MPP4: variants seen among roughly 807,000 people sequenced by gnomAD.
MPP4 encodes MAGUK p55 scaffold protein 4.
MPP4 carries 91 observed loss-of-function variants against 98.3 expected under a neutral mutation model. That is an observed-to-expected ratio of 0.93 (90% confidence interval 0.78 to 1.10). The LOEUF (loss-of-function observed/expected upper bound fraction) is 1.10, where lower values mean the gene tolerates loss of function less well. Ranked by LOEUF, MPP4 falls within the 50% of genes least tolerant of loss-of-function variation. MPP4 has a pLI of 0.00. For missense variants in MPP4, 744 were observed against 792.9 expected, an observed-to-expected ratio of 0.94 and a Z score of 0.74; for synonymous variants, 261 against 271.8, an observed-to-expected ratio of 0.96 and a Z score of 0.39.
At chr2:201,661,571 T>G (rs1403328483) in intron 14 of MPP4, 9 of 456,444 alleles carry the variant, frequency 2.0e-5, no homozygotes, top group African/African-American at 8.0e-5. Flanking sequence ...AGTGCTGTTC[T>G]CAAAAGAACT....
chr2:201,673,508 A>T (rs774280678), intron 11 of MPP4: 1 of 202,546 alleles, frequency 4.9e-6, no homozygotes, highest in African/African-American at 2.4e-5. Context: ...ACCATGGCAC[A>T]TGTATACCTA....
At chr2:201,670,251 T>C (rs1688304318) in intron 11 of MPP4, among the ~76,000 whole-genome samples, 1 of 152,160 alleles carries the variant, frequency 6.6e-6, no homozygotes, top group Non-Finnish European at 1.5e-5. Context: ...CCCTATATCT[T>C]TGGACTCAGT....
intron 3 of MPP4, among the ~76,000 whole-genome samples, chr2:201,692,475 C>T (rs1331990973): frequency 3.4e-5 from 5 of 147,644 alleles, no homozygotes; most frequent in East Asian, 2.0e-4. Context: ...AGCTGGGAGG[C>T]GGAGGTTGCA....
At position 201,673,338 on chromosome 2, in the gene MPP4, A is replaced by C. The variant is rs2597903; in HGVS notation, c.994+1869T>G. 3.1e-3 allele frequency among the ~76,000 whole-genome samples: 474 copies of C among 152,222 alleles called. 1 individual carries two copies. The highest frequency in any genetic ancestry group is 0.011 in the African/African-American group (448 of 41,530). ...ACAGGAACAGAAAACCAAACACCGC[A>C]TTTTCTCACTCATAAATGGGAGTTG... On this transcript the variant is annotated intron_variant, in intron 11 of 21. Coordinates refer to ENST00000409474, the MANE Select transcript of MPP4 (RefSeq NM_033066.3).
chr2:201,658,659 C>T, intron 15 of MPP4, 141 bp from the exon 16 acceptor site: 1 of 648,890 alleles, frequency 1.5e-6, no homozygotes, highest in South Asian at 2.1e-5. Context: ...GAGTGGCTCA[C>T]CGAATGTTCT....
At chr2:201,680,718 G>A (rs1269236429) in intron 10 of MPP4, 120 bp downstream of exon 10, 2 of 817,552 alleles carry the variant, frequency 2.4e-6, no homozygotes, top group South Asian at 3.7e-5. Context: ...AAACCAGTGT[G>A]TGTGTGTTCA....
chr2:201,679,109 G>A (rs184301713), intron 10 of MPP4, among the ~76,000 whole-genome samples: 42 of 151,892 alleles, frequency 2.8e-4, no homozygotes, highest in African/African-American at 5.3e-4. Flanking sequence ...CCAATACACC[G>A]TTGACCTCAT....
intron 10 of MPP4, among the ~76,000 whole-genome samples, chr2:201,677,374 C>G (rs1005371360): frequency 6.6e-6 from 1 of 152,172 alleles, no homozygotes; most frequent in African/African-American, 2.4e-5. Context: ...ACATCTAACT[C>G]CCCCAATTTG....
At chr2:201,662,375 CCTGTAATCCCAGCTA>C (rs1384362365) in intron 14 of MPP4, among the ~76,000 whole-genome samples, 4 of 150,294 alleles carry the variant, frequency 2.7e-5, no homozygotes, top group Non-Finnish European at 5.9e-5. Flanking sequence ...GTGGTGCACA[CCTGTAATCCCAGCTA>C]CTCAGGAGGC....
intron 10 of MPP4, among the ~76,000 whole-genome samples, chr2:201,675,858 G>C (rs1040345786): frequency 1.1e-4 from 16 of 152,144 alleles, no homozygotes; most frequent in African/African-American, 3.9e-4. Context: ...AAGCAAAGTT[G>C]CTCTTCCTTC....
intron 1 of MPP4, 113 bp downstream of exon 1, chr2:201,698,474 T>C: frequency 1.4e-6 from 1 of 736,264 alleles, no homozygotes; most frequent in South Asian, 1.6e-5. Flanking sequence ...AACTAAGCCA[T>C]TTGAGTTAGA....
chr2:201,684,517 G>A (rs975537019), intron 7 of MPP4, among the ~76,000 whole-genome samples: 2 of 152,208 alleles, frequency 1.3e-5, no homozygotes, highest in Non-Finnish European at 2.9e-5. Flanking sequence ...TGTAAACTGA[G>A]AGACTTTAAT....
intron 21 of MPP4, among the ~76,000 whole-genome samples, chr2:201,645,828 G>T (rs1010540636): frequency 6.6e-6 from 1 of 151,852 alleles, no homozygotes; most frequent in Non-Finnish European, 1.5e-5. Flanking sequence ...TTTTTGTAGA[G>T]AAAATATAAT....
rs1171832172 is a variant in MPP4, at chr2:201,645,163, C to T, written c.*47G>A. On this transcript the variant is annotated 3_prime_UTR_variant, in exon 22 of 22. Coordinates refer to ENST00000409474, the MANE Select transcript of MPP4 (RefSeq NM_033066.3). Reference sequence around the variant, plus strand: ...TGTTTTAGATTGCAACTATGGATCGCTGTATCAAGGGTACAGTGTTAAAAC... The same window carrying T: ...TGTTTTAGATTGCAACTATGGATCGTTGTATCAAGGGTACAGTGTTAAAAC... 6 of 1,485,662 alleles carry T rather than the reference C, an allele frequency of 4.0e-6. No homozygotes were observed. The highest frequency in any genetic ancestry group is 5.5e-6 in the Non-Finnish European group (6 of 1,099,824). 92.0% of individuals were successfully genotyped at this position (1,485,662 alleles called of 1,614,324 possible). A position where few individuals can be genotyped will look rare whatever the true frequency, so the allele number is the denominator to read the frequency against.
chr2:201,692,929 C>T lies in MPP4; in HGVS notation c.180G>A (p.Pro60=), dbSNP rs369521003. The T allele has an allele frequency of 1.6e-5, 25 of 1,609,658 alleles. No individual in the cohort carries two copies. The highest frequency in any genetic ancestry group is 1.0e-4 in the South Asian group (9 of 89,990). Residue 60 remains proline (P), a synonymous_variant, in exon 3 of 22, where the codon CCG becomes CCA. Coordinates refer to ENST00000409474, the MANE Select transcript of MPP4 (RefSeq NM_033066.3). ...TCACCTTTAGCAGAGCCTGAAGCCACGGCGAGTGGAGGAGATCGTACAAGA... is the reference window on the plus strand; with the variant it reads ...TCACCTTTAGCAGAGCCTGAAGCCATGGCGAGTGGAGGAGATCGTACAAGA... ...VCLLYDLLHS[P]WLQALLKIYD...
At chr2:201,678,606 G>A (rs977844377) in intron 10 of MPP4, among the ~76,000 whole-genome samples, 10 of 152,252 alleles carry the variant, frequency 6.6e-5, no homozygotes, top group Admixed American at 2.0e-4. Context: ...ATGCTCTCAC[G>A]GTGGCTGATT....
intron 12 of MPP4, among the ~76,000 whole-genome samples, chr2:201,668,232 A>T (rs1688237390): frequency 6.6e-6 from 1 of 152,164 alleles, no homozygotes; most frequent in Non-Finnish European, 1.5e-5. Flanking sequence ...TCCCCAAATC[A>T]ATGATTCCAC....
Position 201,675,285 on chromosome 2 carries a change from A to T in MPP4, c.930-14T>A. 6.2e-7 allele frequency: 1 copy of T among 1,603,548 alleles called. No homozygotes were observed. Among genetic ancestry groups the T allele is most frequent in the Non-Finnish European group, 8.5e-7 (1 of 1,175,162 alleles). The stretch of plus-strand genomic sequence containing the variant: ...TCCCGTTGCTTCCTATGGGGGGGAA[A>T]AAACCATGCGACAAAAAACAAACAA... On this transcript the variant is annotated splice_polypyrimidine_tract_variant and intron_variant, in intron 10 of 21. Transcript: ENST00000409474.
At chr2:201,664,164 A>G in intron 13 of MPP4, 63 bp from the exon 14 acceptor site, 11 of 1,513,250 alleles carry the variant, frequency 7.3e-6, no homozygotes, top group South Asian at 3.7e-5. Context: ...CACTGAGTCT[A>G]TATTTTAAGT....
Sources: allele counts gnomAD v4.1 joint callset (sites outside exome capture counted in the v4.1 genomes callset), GRCh38; gene constraint gnomAD v4.1.1; transcripts MANE v1.5; gene names NCBI Gene and HGNC (gene_info 2026-07-23, HGNC 2026-07-21).